Variants in SESTD1 observed in about 807,000 individuals in gnomAD.
SESTD1 encodes the protein SEC14 domain and spectrin repeat-containing protein 1.
A neutral mutation model predicts 101.7 loss-of-function variants in SESTD1; 43 were observed. The observed-to-expected ratio is 0.42, with a 90% CI of 0.33 to 0.55. The LOEUF is 0.55. Ranked by LOEUF, SESTD1 falls within the 20% of genes least tolerant of loss-of-function variation. SESTD1 has a pLI of 0.07. For synonymous variants in SESTD1, 283 were observed against 286.8 expected (o/e 0.99, Z 0.13); for missense variants, 647 against 815.1 (o/e 0.79, Z 2.51).
At position 179,103,777 on chromosome 2, in the gene SESTD1, C is replaced by T. The variant is rs2154393357; in HGVS notation, c.*6122G>A. 6.6e-6 allele frequency: 1 copy of T among 152,192 alleles called. No individual in the cohort carries two copies. The highest frequency in any genetic ancestry group is 1.9e-4 in the East Asian group (1 of 5,180). The allele number at this position is 152,192 out of a possible 1,614,324, so 9.4% of individuals were successfully genotyped here. A position where few individuals can be genotyped will look rare whatever the true frequency, so the allele number is the denominator to read the frequency against. The stretch of plus-strand genomic sequence containing the variant: ...TTGACTGGAAAGGGCAGTGTGGAAA[C>T]TTTCTAGGGTGGTGATAACGTTTCC... On this transcript the variant is annotated 3_prime_UTR_variant, in exon 18 of 18. Coordinates refer to ENST00000428443, the MANE Select transcript of SESTD1 (RefSeq NM_178123.5).
intron 2 of SESTD1, among the ~76,000 whole-genome samples, chr2:179,189,329 T>C (rs1385667117): frequency 1.3e-5 from 2 of 152,112 alleles, no homozygotes; most frequent in East Asian, 1.9e-4. Flanking sequence ...CATATGATCA[T>C]CTCAATAGAT....
intron 9 of SESTD1, among the ~76,000 whole-genome samples, chr2:179,142,669 A>C (rs1031335860): frequency 2.6e-5 from 4 of 152,196 alleles, no homozygotes; most frequent in Admixed American, 6.5e-5. Flanking sequence ...GTTCTTTCAA[A>C]ACCTATCACT....
chr2:179,137,773 G>A (rs539038728), intron 9 of SESTD1, among the ~76,000 whole-genome samples: 1 of 152,170 alleles, frequency 6.6e-6, no homozygotes, highest in East Asian at 1.9e-4. Context: ...CTCTTGCATT[G>A]TTTTCAGTGA....
intron 8 of SESTD1, among the ~76,000 whole-genome samples, chr2:179,144,460 G>T (rs1484783440): frequency 6.6e-6 from 1 of 152,058 alleles, no homozygotes; most frequent in African/African-American, 2.4e-5. Flanking sequence ...CAATGAATGT[G>T]ACTCAATTAC....
At chr2:179,262,024 A>G (rs1416880012) in intron 1 of SESTD1, among the ~76,000 whole-genome samples, 1 of 152,222 alleles carries the variant, frequency 6.6e-6, no homozygotes, top group Non-Finnish European at 1.5e-5. Flanking sequence ...ATATAACAAA[A>G]TAATATTCTG....
chr2:179,132,990 AAAATT>A lies in SESTD1; in HGVS notation c.850-569_850-565del, dbSNP rs1445844361. 2.0e-5 allele frequency among the ~76,000 whole-genome samples: 3 copies of A among 152,336 alleles called. No homozygotes were observed. In the East Asian group the frequency reaches 5.8e-4, roughly 29 times the overall value. ...TATACCACTTTATCACTTCAAAAAT[AAAATT>A]AAAAACTAATTAGAATTATGCTAAT... On this transcript the variant is annotated intron_variant, in intron 9 of 17. Coordinates refer to ENST00000428443, the MANE Select transcript of SESTD1 (RefSeq NM_178123.5).
At chr2:179,240,929 G>A (rs925993262) in intron 1 of SESTD1, among the ~76,000 whole-genome samples, 3 of 151,998 alleles carry the variant, frequency 2.0e-5, no homozygotes, top group African/African-American at 7.3e-5. Flanking sequence ...AAGCAGCCAT[G>A]ATGAAAATGC....
chr2:179,258,197 G>T (rs2047428020), intron 1 of SESTD1, among the ~76,000 whole-genome samples: 1 of 152,186 alleles, frequency 6.6e-6, no homozygotes, highest in South Asian at 2.1e-4. Flanking sequence ...AATTTACACA[G>T]TGCAATTCAA....
intron 1 of SESTD1, among the ~76,000 whole-genome samples, chr2:179,217,028 C>A (rs913993200): frequency 6.6e-6 from 1 of 151,804 alleles, no homozygotes; most frequent in African/African-American, 2.4e-5. Context: ...ACCATAAAAA[C>A]CCTAGAAGAA....
rs1234719456 is a variant in SESTD1 at position 179,210,987 on chromosome 2, C to T, written c.-25-19121G>A. 1.5e-5 allele frequency among the ~76,000 whole-genome samples: 2 copies of T among 132,684 alleles called. 1 individual carries two copies. Among genetic ancestry groups the T allele is most frequent in the African/African-American group, 6.0e-5 (2 of 33,336 alleles). The allele number at this position is 132,684 out of a possible 152,430, so 87.0% of individuals were successfully genotyped here. On this transcript the variant is annotated intron_variant, in intron 1 of 17. Transcript: ENST00000428443. ...TCAATAAAGTTTCAGGATACAAAAT[C>T]AATGCACAAAAATCAGTAGCACTGC... is the stretch of plus-strand genomic sequence containing the variant.
intron 5 of SESTD1, among the ~76,000 whole-genome samples, chr2:179,165,739 G>C (rs1329319345): frequency 6.6e-6 from 1 of 152,168 alleles, no homozygotes; most frequent in Non-Finnish European, 1.5e-5. Flanking sequence ...TGATCCAGCA[G>C]CCTTGGTCAT....
At chr2:179,184,402 A>AC (rs2046174190) in intron 2 of SESTD1, among the ~76,000 whole-genome samples, 1 of 152,216 alleles carries the variant, frequency 6.6e-6, no homozygotes, top group Non-Finnish European at 1.5e-5. Context: ...TAACATATGA[A>AC]CCATAAATGA....
chr2:179,161,207 C>A (rs1422176407), intron 5 of SESTD1, among the ~76,000 whole-genome samples: 1 of 151,678 alleles, frequency 6.6e-6, no homozygotes, highest in Non-Finnish European at 1.5e-5. Flanking sequence ...CAGGTGTGGG[C>A]CATTGCTCCT....
intron 1 of SESTD1, among the ~76,000 whole-genome samples, chr2:179,243,206 A>C (rs1371696795): frequency 6.6e-6 from 1 of 152,206 alleles, no homozygotes; most frequent in Non-Finnish European, 1.5e-5. Flanking sequence ...TCATCAGAGA[A>C]ATGCAAACAT....
intron 8 of SESTD1, 108 bp from the exon 9 acceptor site, chr2:179,143,911 T>G: frequency 9.2e-7 from 1 of 1,092,642 alleles, no homozygotes; most frequent in Non-Finnish European, 1.3e-6. Context: ...TCTACCTACA[T>G]ATCTACCAGG....
intron 1 of SESTD1, among the ~76,000 whole-genome samples, chr2:179,200,842 C>CT (rs2046498459): frequency 7.5e-6 from 1 of 134,140 alleles, no homozygotes; most frequent in Admixed American, 7.2e-5. Flanking sequence ...TAGGCATTAC[C>CT]ATTCAGGACA....
intron 16 of SESTD1, among the ~76,000 whole-genome samples, chr2:179,114,767 A>G (rs910698234): frequency 1.3e-5 from 2 of 152,176 alleles, no homozygotes; most frequent in South Asian, 2.1e-4. Flanking sequence ...ATGATACTCT[A>G]AAGAACAGAG....
rs745387610 is a variant in SESTD1, at chr2:179,105,782, TA to T, written c.*4116del. On this transcript the variant is annotated 3_prime_UTR_variant, in exon 18 of 18. Coordinates refer to ENST00000428443, the MANE Select transcript of SESTD1 (RefSeq NM_178123.5). ...TTACAGCCTGAGATAAATTCTCAGA[TA>T]TTTTTTTAACAGTAAATGGCAAAGC... is the stretch of plus-strand genomic sequence containing the variant. 2.4e-4 allele frequency: 36 copies of T among 152,316 alleles called. No individual in the cohort carries two copies. The East Asian group carries it at 4.4e-3, about 19-fold the overall frequency. 9.4% of individuals were successfully genotyped at this position (152,316 alleles called of 1,614,324 possible). A position where few individuals can be genotyped will look rare whatever the true frequency, so the allele number is the denominator to read the frequency against.
chr2:179,116,378 T>G (rs1444310572), intron 15 of SESTD1, among the ~76,000 whole-genome samples: 1 of 152,154 alleles, frequency 6.6e-6, no homozygotes, highest in Non-Finnish European at 1.5e-5. Flanking sequence ...GATATTAACA[T>G]CCATTTCATA....
Sources: allele counts gnomAD v4.1 joint callset (sites outside exome capture counted in the v4.1 genomes callset), GRCh38; gene constraint gnomAD v4.1.1; transcripts MANE v1.5; gene names NCBI Gene and HGNC (gene_info 2026-07-23, HGNC 2026-07-21).